PHLDB2: variants seen among roughly 807,000 people sequenced by gnomAD.
PHLDB2 encodes the protein pleckstrin homology-like domain family B member 2.
In PHLDB2, 71 loss-of-function variants were observed where a neutral mutation model predicts 123.6. That is an observed-to-expected ratio of 0.57 (90% CI 0.47 to 0.70). The LOEUF (loss-of-function observed/expected upper bound fraction) is 0.70, where lower values mean the gene tolerates loss of function less well. Ranked by LOEUF, PHLDB2 falls within the 30% of genes least tolerant of loss-of-function variation. The probability of loss-of-function intolerance (pLI) is 0.00; values close to 1 mark genes in which losing one functional copy is unlikely to be tolerated. For synonymous variants in PHLDB2, 547 were observed against 541.6 expected, an observed-to-expected ratio of 1.01 and a Z score of -0.14; for missense variants, 1,446 against 1,519.5, an observed-to-expected ratio of 0.95 and a Z score of 0.80.
At chr3:111,780,684 A>T (rs554699527) in intron 1 of PHLDB2, among the ~76,000 whole-genome samples, 1 of 152,096 alleles carries the variant, frequency 6.6e-6, no homozygotes, top group Admixed American at 6.6e-5. Context: ...ATTCTAATTC[A>T]TGTCATCTGG....
chr3:111,750,206 T>C (rs2059746195), intron 1 of PHLDB2, among the ~76,000 whole-genome samples: 1 of 152,236 alleles, frequency 6.6e-6, no homozygotes, highest in South Asian at 2.1e-4. Context: ...AGGATATTCA[T>C]ATTTAAAAAG....
chr3:111,909,865 T>C (rs1237341109), intron 2 of PHLDB2, among the ~76,000 whole-genome samples: 1 of 152,180 alleles, frequency 6.6e-6, no homozygotes, highest in African/African-American at 2.4e-5. Context: ...CCCAATATAC[T>C]GGTTATAACA....
At chr3:111,829,330 C>T (rs1044663512) in intron 1 of PHLDB2, among the ~76,000 whole-genome samples, 1 of 151,470 alleles carries the variant, frequency 6.6e-6, no homozygotes, top group Admixed American at 6.6e-5. Context: ...GATTGTTTCT[C>T]CTCCCTAAAG....
intron 2 of PHLDB2, among the ~76,000 whole-genome samples, chr3:111,908,992 T>C (rs1282953): frequency 0.036 from 5,417 of 152,226 alleles, 324 homozygotes; most frequent in African/African-American, 0.12. Context: ...TGACCCATTT[T>C]TGTGCAGGTA....
At chr3:111,830,956 A>AAGGAAGGAAGGAAGGAAGGAAG (rs1174498405) in intron 1 of PHLDB2, among the ~76,000 whole-genome samples, 2 of 24,762 alleles carry the variant, frequency 8.1e-5, no homozygotes, top group Admixed American at 4.7e-4. Context: ...AGAAAGAAAG[A>AAGGAAGGAAGGAAGGAAGGAAG]GAAAGAAAGA....
intron 1 of PHLDB2, among the ~76,000 whole-genome samples, chr3:111,834,466 T>G (rs1262212076): frequency 6.6e-6 from 1 of 150,520 alleles, no homozygotes; most frequent in Admixed American, 6.7e-5. Flanking sequence ...GGTCAGTTTA[T>G]CTAGATTTAC....
intron 1 of PHLDB2, among the ~76,000 whole-genome samples, chr3:111,758,210 G>A (rs1039586563): frequency 2.1e-4 from 32 of 152,112 alleles, no homozygotes; most frequent in African/African-American, 7.2e-4. Context: ...CCTAGAGGTG[G>A]AGCCTATAGA....
intron 1 of PHLDB2, among the ~76,000 whole-genome samples, chr3:111,814,420 G>C (rs529850694): frequency 1.1e-3 from 171 of 152,124 alleles, no homozygotes; most frequent in Non-Finnish European, 2.1e-3. Flanking sequence ...GGCTCTCCTT[G>C]CTCCTGAACT....
chr3:111,739,079 T>C (rs1383788097), intron 1 of PHLDB2, among the ~76,000 whole-genome samples: 1 of 152,228 alleles, frequency 6.6e-6, no homozygotes, highest in Non-Finnish European at 1.5e-5. Flanking sequence ...GTTTTGATAT[T>C]CTGTGTTCTA....
chr3:111,834,033 TATATGTAATAGAATTATATATA>T lies in PHLDB2; in HGVS notation c.-48-11783_-48-11762del. On this transcript the variant is annotated intron_variant, in intron 1 of 17. Coordinates refer to the PHLDB2 transcript ENST00000393923. The stretch of plus-strand genomic sequence containing the variant: ...ATATGTAATAGAATTATATATATAA[TATATGTAATAGAATTATATATA>T]ATATATGTAATAGAATTATATATAC... Among the ~76,000 whole-genome samples, 2 of 112,090 alleles carry T rather than the reference TATATGTAATAGAATTATATATA, an allele frequency of 1.8e-5. 1 individual carries two copies. The highest frequency in any genetic ancestry group is 5.8e-4 in the South Asian group (2 of 3,424). The allele number at this position is 112,090 out of a possible 152,430, so 73.5% of individuals were successfully genotyped here.
chr3:111,866,313 C>A (rs1022978214), intron 1 of PHLDB2, among the ~76,000 whole-genome samples: 15 of 151,944 alleles, frequency 9.9e-5, no homozygotes, highest in African/African-American at 2.4e-4. Context: ...CCACCGAGCC[C>A]GGCCTCATGT....
intron 1 of PHLDB2, among the ~76,000 whole-genome samples, chr3:111,796,546 G>T (rs985356998): frequency 2.6e-5 from 4 of 151,952 alleles, no homozygotes; most frequent in African/African-American, 9.7e-5. Flanking sequence ...ATTTTTTATT[G>T]TTTTTGAGAC....
At chr3:111,838,306 C>A (rs1267764980) in intron 1 of PHLDB2, among the ~76,000 whole-genome samples, 3 of 152,134 alleles carry the variant, frequency 2.0e-5, no homozygotes, top group Non-Finnish European at 4.4e-5. Flanking sequence ...TACCCAGGAA[C>A]CTGTATGTTT....
In PHLDB2 at chr3:111,852,282, G is replaced by GCT. The variant is rs769771127; in HGVS notation, c.67+6359_67+6360dup. On this transcript the variant is annotated intron_variant, in intron 2 of 17. Coordinates refer to the PHLDB2 transcript ENST00000393923. ...AGGTGGCATTCTCCCTCTCTCTCTC[G>GCT]CTCTCTCTCTCTCCATATATATGTA... 9.1e-3 allele frequency among the ~76,000 whole-genome samples: 1,328 copies of GCT among 145,598 alleles called. 13 individuals are homozygous for GCT. The highest frequency in any genetic ancestry group is 0.031 in the African/African-American group (1,230 of 39,574).
intron 10 of PHLDB2, 37 bp from the exon 11 acceptor site, chr3:111,952,535 C>G: frequency 6.3e-7 from 1 of 1,591,422 alleles, no homozygotes; most frequent in Non-Finnish European, 8.5e-7. Context: ...TACAGTTAGT[C>G]AAGTTTTGCT....
chr3:111,936,006 GT>G (rs1577128081), intron 6 of PHLDB2, among the ~76,000 whole-genome samples: 1 of 152,180 alleles, frequency 6.6e-6, no homozygotes, highest in East Asian at 1.9e-4. Flanking sequence ...TGTAGTTAAA[GT>G]GTAAAAGTTA....
intron 2 of PHLDB2, among the ~76,000 whole-genome samples, chr3:111,853,093 T>C (rs1559868427): frequency 6.6e-6 from 1 of 152,164 alleles, no homozygotes; most frequent in Non-Finnish European, 1.5e-5. Flanking sequence ...TTATTTATAC[T>C]TTATCTATTT....
At chr3:111,921,085 T>C (rs1046522625) in intron 5 of PHLDB2, among the ~76,000 whole-genome samples, 1 of 152,216 alleles carries the variant, frequency 6.6e-6, no homozygotes. Flanking sequence ...GTGGCTGATA[T>C]CTATTAGGGA....
intron 15 of PHLDB2, among the ~76,000 whole-genome samples, chr3:111,968,992 T>A (rs528804595): frequency 6.6e-6 from 1 of 152,278 alleles, no homozygotes; most frequent in South Asian, 2.1e-4. Flanking sequence ...CTATCACCCA[T>A]GGTGATATAT....
Sources: gnomAD v4.1 joint callset for allele counts (sites outside exome capture counted in the v4.1 genomes callset) on GRCh38, gnomAD v4.1.1 for gene constraint, MANE v1.5 for transcripts, NCBI Gene and HGNC (gene_info 2026-07-23, HGNC 2026-07-21) for gene names.